The following ADCY8 variants were observed in gnomAD, a reference collection of about 807,000 sequenced individuals.
The protein encoded by ADCY8 is adenylate cyclase 8, also known as adenylate cyclase type 8.
In ADCY8, 51 loss-of-function variants were observed where a neutral mutation model predicts 119.7. That is an observed-to-expected ratio of 0.43 (90% CI 0.34 to 0.54). ADCY8 has a LOEUF of 0.54. ADCY8 is among the 20% of genes least tolerant of loss of function. ADCY8 has a pLI of 0.03. For synonymous variants in ADCY8, 665 were observed against 651.0 expected (o/e 1.02, Z -0.33); for missense variants, 1,383 against 1,598.8 (o/e 0.87, Z 2.30).
intron 12 of ADCY8, among the ~76,000 whole-genome samples, chr8:130,834,000 T>C (rs928811930): frequency 6.6e-6 from 1 of 152,172 alleles, no homozygotes; most frequent in Non-Finnish European, 1.5e-5. Context: ...CTATAGCTAA[T>C]AGCAATGTAT....
chr8:130,921,976 A>G (rs1820322647), intron 5 of ADCY8, among the ~76,000 whole-genome samples: 1 of 151,982 alleles, frequency 6.6e-6, no homozygotes. Context: ...AGATTAATGG[A>G]TTCATGGGTT....
chr8:130,790,297 T>C lies in ADCY8; in HGVS notation c.3061-4822A>G, dbSNP rs548880425. Among the ~76,000 whole-genome samples the C allele has an allele frequency of 8.3e-4, 127 of 152,340 alleles. 1 individual carries two copies. In the South Asian group the frequency reaches 0.016, roughly 19 times the overall value. The stretch of plus-strand genomic sequence containing the variant: ...TTATTAGAGAGACCCATGGGATGCG[T>C]TGGCTTTGAATTCCCCAGTTTGAAA... On this transcript the variant is annotated intron_variant, in intron 15 of 17. Transcript: ENST00000286355.
intron 15 of ADCY8, among the ~76,000 whole-genome samples, chr8:130,800,047 A>G (rs1430813500): frequency 6.6e-6 from 1 of 152,220 alleles, no homozygotes; most frequent in Non-Finnish European, 1.5e-5. Context: ...GGACAGTTTT[A>G]TCTTTGACAC....
intron 9 of ADCY8, among the ~76,000 whole-genome samples, chr8:130,863,074 T>A (rs559667815): frequency 6.6e-6 from 1 of 152,310 alleles, no homozygotes; most frequent in South Asian, 2.1e-4. Context: ...GATGTTGAAG[T>A]CTCCAACTAT....
chr8:130,990,587 T>G lies in ADCY8; in HGVS notation c.961-45A>C, dbSNP rs1357852514. On this transcript the variant is annotated intron_variant, in intron 1 of 17. Transcript: ENST00000286355. ...GTCAGGCGCTTAAAACAAAAGCTATTTACAAGCAACAATAAAATACACAAA... is the reference window on the plus strand; with the variant it reads ...GTCAGGCGCTTAAAACAAAAGCTATGTACAAGCAACAATAAAATACACAAA... 1.9e-6 allele frequency: 3 copies of G among 1,592,432 alleles called. No homozygotes were observed. In the African/African-American group the frequency reaches 4.1e-5, roughly 22 times the overall value.
At chr8:130,836,740 T>G (rs186011233) in intron 11 of ADCY8, among the ~76,000 whole-genome samples, 60 of 152,282 alleles carry the variant, frequency 3.9e-4, no homozygotes, top group African/African-American at 1.4e-3. Context: ...TTCTACTTTT[T>G]TTTGTTTGTT....
At chr8:130,833,157 A>G (rs958602936) in intron 12 of ADCY8, among the ~76,000 whole-genome samples, 10 of 152,162 alleles carry the variant, frequency 6.6e-5, no homozygotes, top group Non-Finnish European at 1.2e-4. Flanking sequence ...GAACCCTTGG[A>G]ATATGGTGGA....
At chr8:130,943,494 G>GGGGGGA in intron 3 of ADCY8, 32 bp from the exon 4 acceptor site, 1 of 500,402 alleles carries the variant, frequency 2.0e-6, no homozygotes, top group Non-Finnish European at 4.1e-6. Context: ...GGGGTGGGGG[G>GGGGGGA]AGGAAGTATA....
chr8:130,938,427 C>A (rs1412842964), intron 4 of ADCY8, among the ~76,000 whole-genome samples: 1 of 152,112 alleles, frequency 6.6e-6, no homozygotes, highest in Non-Finnish European at 1.5e-5. Flanking sequence ...TTTCCTTGGG[C>A]AGCTTGTTGG....
At chr8:130,783,053 A>G (rs2130036690) in intron 17 of ADCY8, among the ~76,000 whole-genome samples, 1 of 152,348 alleles carries the variant, frequency 6.6e-6, no homozygotes, top group South Asian at 2.1e-4. Context: ...GAGAATGTGG[A>G]CTAGACCAGG....
intron 11 of ADCY8, among the ~76,000 whole-genome samples, chr8:130,839,495 G>T (rs1322108810): frequency 1.4e-5 from 2 of 139,976 alleles, no homozygotes; most frequent in Non-Finnish European, 3.2e-5. Flanking sequence ...TGAGTGAATA[G>T]TGGGGGGTGG....
rs750280187 is a variant in ADCY8, at chr8:130,909,846, T to C, written c.1502A>G (p.Lys501Arg). 6.2e-7 allele frequency: 1 copy of C among 1,614,178 alleles called. No individual in the cohort carries two copies. The highest frequency in any genetic ancestry group is 1.1e-5 in the South Asian group (1 of 91,070). ...KTIRYVRSRT[K>R]HDVDMRIGIH... ...TCCAATCCTCATGTCAACATCGTGTTTTGTCCTTGACCGCACATACCTGTT... is the reference window on the plus strand; with the variant it reads ...TCCAATCCTCATGTCAACATCGTGTCTTGTCCTTGACCGCACATACCTGTT... The change falls in exon 6 of 18, where the codon AAA becomes AGA. Residue 501 changes from lysine to arginine, a missense_variant. Physicochemically the swap from Lys to Arg is conservative, Grantham distance 26. Around this residue, in one of 2 missense-constraint regions of ADCY8, gnomAD observed 928 missense variants for 1,163.5 expected, o/e 0.80. Transcript: ENST00000286355.
At chr8:130,865,892 G>A (rs1018953852) in intron 9 of ADCY8, among the ~76,000 whole-genome samples, 7 of 152,062 alleles carry the variant, frequency 4.6e-5, no homozygotes, top group African/African-American at 1.7e-4. Flanking sequence ...AGCTCTTCAT[G>A]CCTTTCAAAA....
chr8:130,867,729 A>G (rs1014158419), intron 9 of ADCY8, 117 bp downstream of exon 9: 3 of 586,572 alleles, frequency 5.1e-6, no homozygotes, highest in Non-Finnish European at 2.9e-6. Context: ...ACATTTTGGT[A>G]TGCGTCCTGG....
chr8:131,019,541 G>A (rs1279148045), intron 1 of ADCY8, among the ~76,000 whole-genome samples: 4 of 152,218 alleles, frequency 2.6e-5, no homozygotes, highest in Non-Finnish European at 5.9e-5. Flanking sequence ...CAGGCCAGAA[G>A]TCTGGTAGAA....
At position 130,867,865 on chromosome 8, in the gene ADCY8, T is replaced by G. The variant is rs545483840; in HGVS notation, c.2191A>C (p.Ser731Arg). 4.3e-6 allele frequency: 7 copies of G among 1,610,962 alleles called. No homozygotes were observed. The highest frequency in any genetic ancestry group is 5.9e-6 in the Non-Finnish European group (7 of 1,178,218). ...ATTTACCTTGAAGAAGGAAGCAAACTTTGTATTGCCGTGATAAATAGAAGA... is the reference window on the plus strand; with the variant it reads ...ATTTACCTTGAAGAAGGAAGCAAACGTTGTATTGCCGTGATAAATAGAAGA... ...IVLLFITAIQ[S>R]LLPSSRVMPM... Residue 731 changes from serine to arginine, a missense_variant, in exon 9 of 18, where the codon AGT becomes CGT. Coordinates refer to ENST00000286355, the MANE Select transcript of ADCY8 (RefSeq NM_001115.3).
Position 130,841,526 on chromosome 8 carries a change from A to G in ADCY8, c.2503-5077T>C, listed in dbSNP as rs548669442. Among the ~76,000 whole-genome samples the G allele has an allele frequency of 6.6e-5, 10 of 152,352 alleles. No homozygotes were observed. The South Asian group carries it at 2.1e-3, about 32-fold the overall frequency. ...TCCCACAATTGTTGACTGAGAACCC[A>G]CTACACACCAAAAACTGTGCCAGGC... On this transcript the variant is annotated intron_variant, in intron 11 of 17. Transcript: ENST00000286355.
intron 14 of ADCY8, among the ~76,000 whole-genome samples, chr8:130,805,962 C>T (rs1815937317): frequency 6.6e-6 from 1 of 152,172 alleles, no homozygotes; most frequent in Non-Finnish European, 1.5e-5. Flanking sequence ...TCTCGAGGTC[C>T]AGTGACCCTG....
At chr8:130,804,003 A>C (rs1815865190) in intron 14 of ADCY8, among the ~76,000 whole-genome samples, 1 of 152,200 alleles carries the variant, frequency 6.6e-6, no homozygotes, top group African/African-American at 2.4e-5. Context: ...ATGGCTTTCA[A>C]AGGTGGATTT....
Sources: allele counts gnomAD v4.1 joint callset (sites outside exome capture counted in the v4.1 genomes callset), GRCh38; gene constraint gnomAD v4.1.1; regional missense constraint gnomAD v4.1.1; transcripts MANE v1.5; gene names NCBI Gene and HGNC (gene_info 2026-07-23, HGNC 2026-07-21).